MAPK8: variants seen among roughly 807,000 people sequenced by gnomAD.
The protein encoded by MAPK8 is JUN N-terminal kinase.
In MAPK8, 13 loss-of-function variants were observed where a neutral mutation model predicts 52.9. That is an observed-to-expected ratio of 0.25 (90% CI 0.16 to 0.39). MAPK8 has a LOEUF of 0.39. Among genes scored for constraint, MAPK8 ranks in the 10% least tolerant of loss-of-function variants. The pLI is 1.00. For missense variants in MAPK8, 300 were observed against 519.2 expected, an observed-to-expected ratio of 0.58 and a Z score of 4.10; for synonymous variants, 191 against 169.8, an observed-to-expected ratio of 1.12 and a Z score of -0.97.
chr10:48,313,470 CA>C (rs1188285079), intron 1 of MAPK8, among the ~76,000 whole-genome samples: 9 of 152,040 alleles, frequency 5.9e-5, no homozygotes, highest in African/African-American at 1.9e-4. Flanking sequence ...CAGAAATAAT[CA>C]AAGACATTAA....
intron 1 of MAPK8, among the ~76,000 whole-genome samples, chr10:48,330,252 T>A (rs187729421): frequency 7.0e-4 from 107 of 152,360 alleles, no homozygotes; most frequent in African/African-American, 2.4e-3. Context: ...CATTGCTTTT[T>A]TTGTATAAGT....
At chr10:48,326,256 T>A (rs187597308) in intron 1 of MAPK8, among the ~76,000 whole-genome samples, 268 of 152,348 alleles carry the variant, frequency 1.8e-3, no homozygotes, top group African/African-American at 6.0e-3. Flanking sequence ...GGACTCATGG[T>A]TGCTTATTTT....
intron 1 of MAPK8, among the ~76,000 whole-genome samples, chr10:48,375,127 A>G (rs1361944464): frequency 6.6e-6 from 1 of 152,230 alleles, no homozygotes; most frequent in Non-Finnish European, 1.5e-5. Context: ...AAACAGAACC[A>G]ATGACAAAAA....
chr10:48,388,364 T>G (rs1488300381), intron 1 of MAPK8, among the ~76,000 whole-genome samples: 1 of 152,178 alleles, frequency 6.6e-6, no homozygotes, highest in African/African-American at 2.4e-5. Flanking sequence ...TGCTTTAGTA[T>G]TTTAGTAACA....
At chr10:48,360,165 T>C (rs1318421361) in intron 1 of MAPK8, among the ~76,000 whole-genome samples, 1 of 150,918 alleles carries the variant, frequency 6.6e-6, no homozygotes, top group Admixed American at 6.6e-5. Flanking sequence ...AGACTCTGTC[T>C]AAAAGAAAAA....
At chr10:48,377,307 A>G (rs2040728235) in intron 1 of MAPK8, among the ~76,000 whole-genome samples, 1 of 152,066 alleles carries the variant, frequency 6.6e-6, no homozygotes, top group African/African-American at 2.4e-5. Context: ...ATGTATACCT[A>G]TGTAACAGAC....
intron 1 of MAPK8, among the ~76,000 whole-genome samples, chr10:48,370,151 C>T (rs1848416439): frequency 6.6e-6 from 1 of 152,062 alleles, no homozygotes; most frequent in Non-Finnish European, 1.5e-5. Flanking sequence ...AAGAGTGAAG[C>T]AAAAGTATGT....
chr10:48,351,805 C>T (rs1846361484), intron 1 of MAPK8, among the ~76,000 whole-genome samples: 1 of 152,052 alleles, frequency 6.6e-6, no homozygotes, highest in Non-Finnish European at 1.5e-5. Context: ...TTTCGGATTT[C>T]AGATTTTTTC....
rs73293138 is a variant in MAPK8 at position 48,313,118 on chromosome 10, C to A, written c.-50+6297C>A. Among the ~76,000 whole-genome samples the A allele has an allele frequency of 3.5e-3, 530 of 152,248 alleles. 5 individuals carry two copies. The highest frequency in any genetic ancestry group is 0.012 in the African/African-American group (517 of 41,542). On this transcript the variant is annotated intron_variant, in intron 1 of 11. Coordinates refer to ENST00000374189, the MANE Select transcript of MAPK8 (RefSeq NM_001323329.2). ...AAGAGGTTGTAGCCTCATGATTAAA[C>A]ACATTAACATTTCTGTAAAAAATAC...
intron 1 of MAPK8, among the ~76,000 whole-genome samples, chr10:48,329,191 C>T (rs1270676873): frequency 6.6e-6 from 1 of 152,164 alleles, no homozygotes. Flanking sequence ...ACAGTTGGCT[C>T]CAGACGCCAG....
chr10:48,361,545 A>G (rs912760117), intron 1 of MAPK8, among the ~76,000 whole-genome samples: 16 of 152,158 alleles, frequency 1.1e-4, no homozygotes, highest in African/African-American at 3.9e-4. Flanking sequence ...AATAATACTT[A>G]TACTTTTAAA....
chr10:48,329,909 G>A (rs1389744391), intron 1 of MAPK8, among the ~76,000 whole-genome samples: 1 of 152,192 alleles, frequency 6.6e-6, no homozygotes, highest in Non-Finnish European at 1.5e-5. Context: ...CTGCTGATGA[G>A]AGGAAGAGAG....
intron 1 of MAPK8, among the ~76,000 whole-genome samples, chr10:48,397,495 C>T (rs750361112): frequency 1.5e-4 from 23 of 152,090 alleles, no homozygotes; most frequent in Non-Finnish European, 2.8e-4. Context: ...TGACAAAGAA[C>T]AGATTAGTAG....
intron 1 of MAPK8, among the ~76,000 whole-genome samples, chr10:48,381,895 T>C (rs948457007): frequency 1.3e-5 from 2 of 152,192 alleles, no homozygotes; most frequent in Non-Finnish European, 2.9e-5. Context: ...TCAGTCATAC[T>C]GAGTCGCAAC....
chr10:48,338,136 A>T (rs1366350077), intron 1 of MAPK8, among the ~76,000 whole-genome samples: 2 of 150,056 alleles, frequency 1.3e-5, no homozygotes, highest in Non-Finnish European at 3.0e-5. Flanking sequence ...TCTAGCAAGG[A>T]CACAACAACA....
intron 1 of MAPK8, among the ~76,000 whole-genome samples, chr10:48,324,726 T>G (rs1212972966): frequency 2.6e-5 from 4 of 152,152 alleles, no homozygotes; most frequent in Admixed American, 2.0e-4. Flanking sequence ...TTATATTGAC[T>G]CATAACACAG....
At chr10:48,426,127 T>C in intron 8 of MAPK8, 57 bp downstream of exon 8, 1 of 1,409,490 alleles carries the variant, frequency 7.1e-7, no homozygotes, top group Non-Finnish European at 9.7e-7. Context: ...TGTGTGTGTA[T>C]GGGTTTGTGT....
At chr10:48,389,353 A>G (rs1216634598) in intron 1 of MAPK8, among the ~76,000 whole-genome samples, 2 of 152,172 alleles carry the variant, frequency 1.3e-5, no homozygotes, top group Admixed American at 6.5e-5. Context: ...AGCTAACCTC[A>G]TAGTGCTCAC....
At chr10:48,349,192 C>T (rs1389467850) in intron 1 of MAPK8, among the ~76,000 whole-genome samples, 2 of 152,050 alleles carry the variant, frequency 1.3e-5, no homozygotes, top group Non-Finnish European at 2.9e-5. Flanking sequence ...GACTTAATAC[C>T]CAACTGTCAA....
Sources: gnomAD v4.1 joint callset for allele counts (sites outside exome capture counted in the v4.1 genomes callset) on GRCh38, gnomAD v4.1.1 for gene constraint, MANE v1.5 for transcripts, NCBI Gene and HGNC (gene_info 2026-07-23, HGNC 2026-07-21) for gene names.